Variants in TRIM67 observed in about 807,000 individuals in gnomAD.
TRIM67 encodes the protein tripartite motif containing 67.
Under a neutral mutation model 71.0 loss-of-function variants are expected in TRIM67, and 39 were observed. The observed-to-expected ratio is 0.55, with a 90% CI of 0.43 to 0.72. The LOEUF (loss-of-function observed/expected upper bound fraction) is 0.72. TRIM67 is among the 30% of genes least tolerant of loss of function. The pLI, the probability that TRIM67 is intolerant of heterozygous loss-of-function variation, is 0.00. For missense variants in TRIM67, 973 were observed against 1,079.2 expected, an observed-to-expected ratio of 0.90 and a Z score of 1.38; for synonymous variants, 481 against 473.9, an observed-to-expected ratio of 1.01 and a Z score of -0.19.
chr1:231,196,002 G>A (rs552764337), intron 1 of TRIM67, among the ~76,000 whole-genome samples: 11 of 152,274 alleles, frequency 7.2e-5, no homozygotes, highest in African/African-American at 2.2e-4. Context: ...ACCATGTGCC[G>A]GGTACTCTTC....
At chr1:231,203,621 C>T (rs1280775860) in intron 5 of TRIM67, among the ~76,000 whole-genome samples, 4 of 152,180 alleles carry the variant, frequency 2.6e-5, no homozygotes, top group Non-Finnish European at 5.9e-5. Context: ...CTGCCACGGC[C>T]CCCTGAGATT....
intron 1 of TRIM67, among the ~76,000 whole-genome samples, chr1:231,192,882 C>G (rs988648338): frequency 6.6e-6 from 1 of 152,212 alleles, no homozygotes; most frequent in Admixed American, 6.5e-5. Context: ...GACTGTCCCC[C>G]TTTCAGCCAG....
At position 231,213,846 on chromosome 1, in the gene TRIM67, G is replaced by GT. The variant is rs1373306975; in HGVS notation, c.2156dup (p.Val721ArgfsTer7). On this transcript the variant is annotated frameshift_variant, in exon 9 of 10. Transcript: ENST00000366653. LOFTEE classifies it high-confidence loss of function. ...AGGTGGCGTGTGCAAGGGGGCCACC[G>GT]TGGGCGTGCTGCTGGACCTGAATAA... The GT allele has an allele frequency of 3.1e-6, 5 of 1,610,486 alleles. No individual in the cohort carries two copies. The highest frequency in any genetic ancestry group is 4.2e-6 in the Non-Finnish European group (5 of 1,177,890).
intron 1 of TRIM67, among the ~76,000 whole-genome samples, chr1:231,196,173 G>A (rs1012481780): frequency 1.3e-5 from 2 of 152,188 alleles, no homozygotes; most frequent in African/African-American, 4.8e-5. Flanking sequence ...AAGGTCGTGA[G>A]GAAAGTCCTC....
At position 231,220,311 on chromosome 1, in the gene TRIM67, C is replaced by A. The variant is rs1684111494; in HGVS notation, c.*4871C>A. On this transcript the variant is annotated 3_prime_UTR_variant, in exon 10 of 10. Transcript: ENST00000366653. ...ATAGAAAGTAACACCCCATATGTTT[C>A]CATTCCCGGCGAGGCCTGTTTGAAT... 1 of 208,674 alleles carries A rather than the reference C, an allele frequency of 4.8e-6. No homozygotes were observed. 12.9% of individuals were successfully genotyped at this position (208,674 alleles called of 1,614,324 possible).
chr1:231,188,313 T>C (rs1424209428), intron 1 of TRIM67, among the ~76,000 whole-genome samples: 1 of 152,198 alleles, frequency 6.6e-6, no homozygotes, highest in African/African-American at 2.4e-5. Context: ...ATTCGCAAAG[T>C]GGCTGTGGAG....
chr1:231,211,205 T>C (rs926688325), intron 8 of TRIM67, among the ~76,000 whole-genome samples: 6 of 151,962 alleles, frequency 3.9e-5, no homozygotes, highest in Non-Finnish European at 7.4e-5. Context: ...TCCTGGCCAT[T>C]GGCCACCACA....
At chr1:231,208,172 C>T (rs967585177) in intron 7 of TRIM67, among the ~76,000 whole-genome samples, 4 of 149,270 alleles carry the variant, frequency 2.7e-5, no homozygotes, top group East Asian at 2.0e-4. Flanking sequence ...CCATGTCCAG[C>T]GAATTTTTTT....
At position 231,163,312 on chromosome 1, in the gene TRIM67, T is replaced by C. The variant is rs1420667211; in HGVS notation, c.343T>C (p.Tyr115His). The C allele has an allele frequency of 1.3e-6, 2 of 1,521,118 alleles. No individual in the cohort carries two copies. Among genetic ancestry groups the C allele is most frequent in the Non-Finnish European group, 1.8e-6 (2 of 1,133,348 alleles). The allele number at this position is 1,521,118 out of a possible 1,614,324, so 94.2% of individuals were successfully genotyped here. A position where few individuals can be genotyped will look rare whatever the true frequency, so the allele number is the denominator to read the frequency against. Residue 115 changes from tyrosine (Y) to histidine (H), a missense_variant, in exon 1 of 10, where the codon TAC becomes CAC. Physicochemically the swap from Tyr to His is moderately conservative, Grantham distance 83. Coordinates refer to ENST00000366653, the MANE Select transcript of TRIM67 (RefSeq NM_001004342.5). ...CGAGACAGACAGCGGCTACGGGTCC[T>C]ACACCCCGAGCCTCAAGTCCCCCAA... ...YSETDSGYGS[Y>H]TPSLKSPNGV...
chr1:231,181,151 A>C (rs1461099435), intron 1 of TRIM67, among the ~76,000 whole-genome samples: 2 of 152,174 alleles, frequency 1.3e-5, no homozygotes, highest in Non-Finnish European at 2.9e-5. Flanking sequence ...TTTTTAGTAA[A>C]GATGAGGTTT....
intron 1 of TRIM67, among the ~76,000 whole-genome samples, chr1:231,169,063 ATTT>A (rs1030568511): frequency 7.8e-6 from 1 of 129,010 alleles, no homozygotes; most frequent in Non-Finnish European, 1.6e-5. Flanking sequence ...ATTTTTTTTT[ATTT>A]TTATTTGTTG....
At chr1:231,187,772 A>T in intron 1 of TRIM67, 1 of 582,302 alleles carries the variant, frequency 1.7e-6, no homozygotes, top group South Asian at 2.2e-5. Flanking sequence ...GCTCTCTCTG[A>T]TCCACGCCAG....
At chr1:231,177,157 T>C (rs1273145113) in intron 1 of TRIM67, among the ~76,000 whole-genome samples, 2 of 152,130 alleles carry the variant, frequency 1.3e-5, no homozygotes. Context: ...CACAAATAAT[T>C]GGTGCTAAAA....
intron 8 of TRIM67, among the ~76,000 whole-genome samples, chr1:231,213,137 G>A (rs1278275621): frequency 6.6e-6 from 1 of 152,148 alleles, no homozygotes; most frequent in African/African-American, 2.4e-5. Flanking sequence ...AAACAGAAAA[G>A]GGCGCCAAGT....
intron 1 of TRIM67, among the ~76,000 whole-genome samples, chr1:231,195,808 C>T (rs1187020736): frequency 6.6e-6 from 1 of 152,212 alleles, no homozygotes; most frequent in Non-Finnish European, 1.5e-5. Context: ...AAACCGCAGA[C>T]TCCAGGGCTT....
chr1:231,199,286 T>C (rs1454850777), intron 3 of TRIM67, 117 bp downstream of exon 3: 1 of 1,021,108 alleles, frequency 9.8e-7, no homozygotes, highest in South Asian at 1.4e-5. Context: ...ATGAATGAGC[T>C]AATGAATGAA....
chr1:231,163,085 C>T lies in TRIM67; in HGVS notation c.116C>T (p.Pro39Leu), dbSNP rs779621082. 7.6e-6 allele frequency: 12 copies of T among 1,587,256 alleles called. No individual in the cohort carries two copies. Among genetic ancestry groups the T allele is most frequent in the African/African-American group, 1.4e-5 (1 of 73,802 alleles). Reference sequence around the variant, plus strand: ...GCTCGCACCATCGCGGTGCAGACCCCGGACGGTGAGCAGCACCTGCCCCAG... The same window carrying T: ...GCTCGCACCATCGCGGTGCAGACCCTGGACGGTGAGCAGCACCTGCCCCAG... ...PCARTIAVQT[P>L]DGEQHLPQPL... Residue 39 changes from proline to leucine, a missense_variant, in exon 1 of 10, where the codon CCG becomes CTG. By Grantham distance (98) the Pro-to-Leu change is moderately conservative. Around this residue, in one of 2 missense-constraint regions of TRIM67, gnomAD observed 795 missense variants for 831.3 expected, o/e 0.96. Coordinates refer to ENST00000366653, the MANE Select transcript of TRIM67 (RefSeq NM_001004342.5).
intron 1 of TRIM67, among the ~76,000 whole-genome samples, chr1:231,172,135 T>C (rs988898731): frequency 2.0e-5 from 3 of 152,158 alleles, no homozygotes; most frequent in African/African-American, 4.8e-5. Context: ...CCTTTATTGC[T>C]CCTCACTGTA....
chr1:231,197,463 C>T lies in TRIM67; in HGVS notation c.1137C>T (p.Ile379=), dbSNP rs781075562. 1.7e-5 allele frequency: 28 copies of T among 1,613,550 alleles called. No homozygotes were observed. The African/African-American group carries it at 2.4e-4, about 14-fold the overall frequency. Residue 379 remains isoleucine (I), a synonymous_variant, in exon 2 of 10, where the codon ATC becomes ATT. Transcript: ENST00000366653. ...AGCTAAAGAACATATTGCAGCAGAT[C>T]CAGGTGAGCACAGCTCTGGCGTCGG... ...LVQLKNILQQ[I]QENGLDYEAC... is the part of the protein sequence containing the mutation.
Sources: gnomAD v4.1 joint callset for allele counts (sites outside exome capture counted in the v4.1 genomes callset) on GRCh38, gnomAD v4.1.1 for gene constraint, gnomAD v4.1.1 regional missense constraint, MANE v1.5 for transcripts, NCBI Gene and HGNC (gene_info 2026-07-23, HGNC 2026-07-21) for gene names.